MDGA2: variants seen among roughly 807,000 people sequenced by gnomAD.
The protein encoded by MDGA2 is MAM domain containing glycosylphosphatidylinositol anchor 2.
In MDGA2, 40 loss-of-function variants were observed where a neutral mutation model predicts 117.8. That is an observed-to-expected ratio of 0.34 (90% confidence interval 0.26 to 0.44). The LOEUF (loss-of-function observed/expected upper bound fraction) is 0.44. Ranked by LOEUF, MDGA2 falls within the 20% of genes least tolerant of loss-of-function variation. The probability of loss-of-function intolerance (pLI) is 1.00; values close to 1 mark genes in which losing one functional copy is unlikely to be tolerated. For synonymous variants in MDGA2, 452 were observed against 439.0 expected, an observed-to-expected ratio of 1.03 and a Z score of -0.37; for missense variants, 1,123 against 1,250.6, an observed-to-expected ratio of 0.90 and a Z score of 1.54.
intron 1 of MDGA2, among the ~76,000 whole-genome samples, chr14:47,544,324 C>T (rs1895414495): frequency 6.6e-6 from 1 of 152,090 alleles, no homozygotes. Context: ...TACAATTTTC[C>T]TATTTAAAAC....
chr14:47,340,486 G>A lies in MDGA2; in HGVS notation c.281-38936C>T, dbSNP rs563744517. 1.1e-3 allele frequency among the ~76,000 whole-genome samples: 161 copies of A among 152,224 alleles called. 1 individual carries two copies. Among genetic ancestry groups the A allele is most frequent in the Middle Eastern group, 6.8e-3 (2 of 294 alleles). The stretch of plus-strand genomic sequence containing the variant: ...ATACATCAATAACGAGTGCCATCTA[G>A]TTATCCTACTCTGGAGAATCTATCT... On this transcript the variant is annotated intron_variant, in intron 1 of 16. Coordinates refer to ENST00000399232, the MANE Select transcript of MDGA2 (RefSeq NM_001113498.3).
At chr14:47,422,863 G>A (rs533637590) in intron 1 of MDGA2, among the ~76,000 whole-genome samples, 2 of 152,000 alleles carry the variant, frequency 1.3e-5, no homozygotes, top group Non-Finnish European at 2.9e-5. Flanking sequence ...CTATACACTC[G>A]AAACCCTAGA....
At chr14:47,388,989 T>C (rs992744372) in intron 1 of MDGA2, among the ~76,000 whole-genome samples, 1 of 152,230 alleles carries the variant, frequency 6.6e-6, no homozygotes, top group Non-Finnish European at 1.5e-5. Context: ...TCCCTGGTTA[T>C]TTCTTATTGA....
intron 1 of MDGA2, among the ~76,000 whole-genome samples, chr14:47,657,627 T>C (rs1011511240): frequency 2.6e-5 from 4 of 152,196 alleles, no homozygotes; most frequent in African/African-American, 4.8e-5. Context: ...ACCTTGTGCC[T>C]ACAGTGCCCC....
intron 7 of MDGA2, among the ~76,000 whole-genome samples, chr14:47,048,275 T>A (rs1286906285): frequency 6.6e-6 from 1 of 152,010 alleles, no homozygotes; most frequent in East Asian, 1.9e-4. Context: ...TTCTGGTGGA[T>A]AAAGGAATTC....
chr14:47,646,951 C>T (rs926051602), intron 1 of MDGA2, among the ~76,000 whole-genome samples: 2 of 152,068 alleles, frequency 1.3e-5, no homozygotes, highest in Non-Finnish European at 2.9e-5. Context: ...TATTTAGGAG[C>T]ATTCTACTGC....
intron 6 of MDGA2, among the ~76,000 whole-genome samples, chr14:47,071,863 T>G (rs1890293552): frequency 6.6e-6 from 1 of 152,126 alleles, no homozygotes; most frequent in Admixed American, 6.5e-5. Flanking sequence ...TTTTACCCAC[T>G]TCTTTATAGT....
intron 2 of MDGA2, among the ~76,000 whole-genome samples, chr14:47,238,734 G>A (rs942723331): frequency 6.6e-6 from 1 of 151,500 alleles, no homozygotes; most frequent in African/African-American, 2.4e-5. Context: ...AGAATAGAAA[G>A]TAAAAGTTCA....
At chr14:47,351,242 C>G (rs544502149) in intron 1 of MDGA2, among the ~76,000 whole-genome samples, 3 of 152,062 alleles carry the variant, frequency 2.0e-5, no homozygotes, top group African/African-American at 7.2e-5. Flanking sequence ...CCACCATGCC[C>G]CGCTAATTTT....
At chr14:47,427,486 T>C (rs1350136260) in intron 1 of MDGA2, among the ~76,000 whole-genome samples, 1 of 151,534 alleles carries the variant, frequency 6.6e-6, no homozygotes, top group East Asian at 1.9e-4. Context: ...AAAAAGTTTT[T>C]GGACCAGGTT....
chr14:47,042,212 A>G lies in MDGA2; in HGVS notation c.1526-6908T>C, dbSNP rs182678127. Among the ~76,000 whole-genome samples, 262 of 152,220 alleles carry G rather than the reference A, an allele frequency of 1.7e-3. 1 individual carries two copies. Among genetic ancestry groups the G allele is most frequent in the African/African-American group, 5.7e-3 (237 of 41,576 alleles). On this transcript the variant is annotated intron_variant, in intron 7 of 16. Coordinates refer to ENST00000399232, the MANE Select transcript of MDGA2 (RefSeq NM_001113498.3). ...AGTTACCCTTAGAGAACAGAATTCA[A>G]TAATTCTCATCCTGACCAGATATAA...
chr14:47,351,226 C>A (rs931371837), intron 1 of MDGA2, among the ~76,000 whole-genome samples: 1 of 151,940 alleles, frequency 6.6e-6, no homozygotes, highest in Non-Finnish European at 1.5e-5. Flanking sequence ...GGATTACAGG[C>A]GCCTGCCACC....
At chr14:47,066,987 C>T (rs1275481192) in intron 6 of MDGA2, among the ~76,000 whole-genome samples, 3 of 151,954 alleles carry the variant, frequency 2.0e-5, no homozygotes, top group African/African-American at 4.8e-5. Context: ...TGGTGGCAGG[C>T]GCCTGTAATC....
intron 1 of MDGA2, among the ~76,000 whole-genome samples, chr14:47,493,517 G>A (rs993981286): frequency 4.6e-5 from 7 of 151,628 alleles, no homozygotes; most frequent in Non-Finnish European, 7.4e-5. Flanking sequence ...AAGTTTCACC[G>A]TGTTGTCCAT....
chr14:46,904,495 A>G (rs1408152782), intron 10 of MDGA2, among the ~76,000 whole-genome samples: 1 of 152,196 alleles, frequency 6.6e-6, no homozygotes, highest in Non-Finnish European at 1.5e-5. Flanking sequence ...GGTCGAATCT[A>G]CAAAAGAATA....
At chr14:47,612,424 T>C (rs1896867950) in intron 1 of MDGA2, among the ~76,000 whole-genome samples, 1 of 152,182 alleles carries the variant, frequency 6.6e-6, no homozygotes, top group Non-Finnish European at 1.5e-5. Flanking sequence ...TACTTCAAAA[T>C]GTTTTTTTCA....
chr14:46,947,621 C>T (rs1218715639), intron 9 of MDGA2, among the ~76,000 whole-genome samples: 2 of 151,926 alleles, frequency 1.3e-5, no homozygotes, highest in Non-Finnish European at 2.9e-5. Flanking sequence ...AAGAGGAGTT[C>T]CCCTGCACAA....
chr14:47,201,846 C>T (rs993557994), intron 3 of MDGA2, among the ~76,000 whole-genome samples: 3 of 152,132 alleles, frequency 2.0e-5, no homozygotes, highest in Admixed American at 6.5e-5. Flanking sequence ...TATCTTTCTT[C>T]CCACTCATCA....
At chr14:46,847,791 C>T (rs1193289622) in intron 15 of MDGA2, among the ~76,000 whole-genome samples, 2 of 151,938 alleles carry the variant, frequency 1.3e-5, no homozygotes, top group South Asian at 2.1e-4. Flanking sequence ...GAGGTGACTA[C>T]GTTTCAAATA....
Sources: allele counts gnomAD v4.1 joint callset (sites outside exome capture counted in the v4.1 genomes callset), GRCh38; gene constraint gnomAD v4.1.1; transcripts MANE v1.5; gene names NCBI Gene and HGNC (gene_info 2026-07-23, HGNC 2026-07-21).